Variants in CFAP46 observed in about 807,000 individuals in gnomAD.
CFAP46 encodes the protein cilia and flagella associated protein 46.
A neutral mutation model predicts 325.7 loss-of-function variants in CFAP46; 245 were observed. The observed-to-expected ratio is 0.75, with a 90% CI of 0.68 to 0.84. The LOEUF (loss-of-function observed/expected upper bound fraction) is 0.84. CFAP46 is among the 40% of genes least tolerant of loss of function. The pLI, the probability that CFAP46 is intolerant of heterozygous loss-of-function variation, is 0.00. For missense variants in CFAP46, 3,346 were observed against 3,543.0 expected, an observed-to-expected ratio of 0.94 and a Z score of 1.41; for synonymous variants, 1,523 against 1,495.9, an observed-to-expected ratio of 1.02 and a Z score of -0.42.
rs540522240 is a variant in CFAP46 at position 132,915,034 on chromosome 10, C to T, written c.2120+1515G>A. On this transcript the variant is annotated intron_variant, in intron 17 of 57. Coordinates refer to ENST00000368586, the MANE Select transcript of CFAP46 (RefSeq NM_001200049.3). ...CCGTGTGGACGTGGACAGGGTCTGT[C>T]CGTCCCGCTAGACCAGGCTGGGCAA... Among the ~76,000 whole-genome samples the T allele has an allele frequency of 9.8e-5, 15 of 152,394 alleles. No individual in the cohort carries two copies. In the East Asian group the frequency reaches 1.7e-3, roughly 18 times the overall value.
At chr10:132,872,080 C>CCTAA (rs1478582407) in intron 32 of CFAP46, among the ~76,000 whole-genome samples, 1 of 152,086 alleles carries the variant, frequency 6.6e-6, no homozygotes, top group Non-Finnish European at 1.5e-5. Context: ...ATAGTGTAAA[C>CCTAA]CTAACTTTTA....
In CFAP46 at chr10:132,833,486, A is replaced by G; in HGVS notation, c.6989T>C (p.Val2330Ala). 6.2e-7 allele frequency: 1 copy of G among 1,614,104 alleles called. No individual in the cohort carries two copies. Among genetic ancestry groups the G allele is most frequent in the East Asian group, 2.2e-5 (1 of 44,860 alleles). The change falls in exon 50 of 58, where the codon GTC becomes GCC. Residue 2330 changes from valine to alanine, a missense_variant. Physicochemically the swap from Val to Ala is moderately conservative, Grantham distance 64. Coordinates refer to ENST00000368586, the MANE Select transcript of CFAP46 (RefSeq NM_001200049.3). ...QPEVADKIVL[V>A]ADRHLLELPL... ...CAGCTCCAGGAGATGTCTGTCTGCG[A>G]CCAGGACTATCTTATCGGCAACCTC...
chr10:132,925,564 C>T (rs1387741081), intron 10 of CFAP46, among the ~76,000 whole-genome samples: 1 of 152,276 alleles, frequency 6.6e-6, no homozygotes, highest in Non-Finnish European at 1.5e-5. Context: ...AGCCTCTGTT[C>T]ACTTTCACAA....
chr10:132,821,709 A>G (rs1591033414), intron 50 of CFAP46, among the ~76,000 whole-genome samples: 1 of 84,456 alleles, frequency 1.2e-5, no homozygotes, highest in East Asian at 4.2e-4. Context: ...ATGTGTGCTG[A>G]CGTGTGCTGT....
intron 23 of CFAP46, 81 bp downstream of exon 23, chr10:132,899,454 G>T: frequency 6.9e-7 from 1 of 1,450,274 alleles, no homozygotes. Context: ...CCCACAGGAT[G>T]GGCCACAGCC....
chr10:132,941,492 A>T, intron 3 of CFAP46, 99 bp downstream of exon 3: 6 of 1,454,928 alleles, frequency 4.1e-6, no homozygotes, highest in Non-Finnish European at 5.6e-6. Context: ...TCACTCTACT[A>T]CCCTAAGAAC....
At chr10:132,818,830 G>GT (rs1403590607) in intron 50 of CFAP46, among the ~76,000 whole-genome samples, 1 of 150,782 alleles carries the variant, frequency 6.6e-6, no homozygotes, top group African/African-American at 2.4e-5. Flanking sequence ...CTCTAGCCTG[G>GT]GCAACAGAGT....
intron 8 of CFAP46, among the ~76,000 whole-genome samples, chr10:132,930,072 CGCTCTCCAG>C (rs1564804352): frequency 6.6e-6 from 1 of 152,144 alleles, no homozygotes; most frequent in African/African-American, 2.4e-5. Flanking sequence ...CCCTGCTCCT[CGCTCTCCAG>C]GCTTCAGGTC....
intron 9 of CFAP46, among the ~76,000 whole-genome samples, chr10:132,927,021 G>A (rs376829990): frequency 2.5e-3 from 383 of 152,318 alleles, no homozygotes; most frequent in Middle Eastern, 6.8e-3. Flanking sequence ...TGTGTTGTAC[G>A]TCACACCGGG....
chr10:132,864,285 C>A (rs1305700747), intron 35 of CFAP46, among the ~76,000 whole-genome samples: 1 of 129,288 alleles, frequency 7.7e-6, no homozygotes, highest in Non-Finnish European at 1.7e-5. Context: ...CACCTGTCCC[C>A]CTGCCTGAGA....
At chr10:132,859,335 G>T in intron 37 of CFAP46, 88 bp from the exon 38 acceptor site, 1 of 1,181,586 alleles carries the variant, frequency 8.5e-7, no homozygotes, top group Non-Finnish European at 1.2e-6. Context: ...TCTCCCCGGT[G>T]TTCATCCAGG....
chr10:132,935,646 C>G (rs201833375), intron 7 of CFAP46, among the ~76,000 whole-genome samples: 465 of 133,282 alleles, frequency 3.5e-3, no homozygotes, highest in Non-Finnish European at 4.9e-3. Context: ...TCTCCTCACT[C>G]CCCTCAGCAC....
intron 17 of CFAP46, 120 bp from the exon 18 acceptor site, chr10:132,913,378 T>TGGGGGGGGG: frequency 1.0e-5 from 3 of 291,632 alleles, no homozygotes; most frequent in East Asian, 1.8e-4. Context: ...GAGGGGCGGG[T>TGGGGGGGGG]GGGCGGCGAC....
intron 33 of CFAP46, among the ~76,000 whole-genome samples, chr10:132,868,746 T>A (rs1848853699): frequency 6.6e-6 from 1 of 152,260 alleles, no homozygotes; most frequent in Non-Finnish European, 1.5e-5. Flanking sequence ...TACGTAATTT[T>A]AAAAAGTATC....
chr10:132,920,255 A>C, intron 13 of CFAP46, 73 bp from the exon 14 acceptor site: 2 of 1,438,894 alleles, frequency 1.4e-6, no homozygotes, highest in Non-Finnish European at 1.8e-6. Context: ...TCAGTAACCA[A>C]TGCCCTGCGC....
intron 21 of CFAP46, 72 bp from the exon 22 acceptor site, chr10:132,908,706 G>A (rs1371184379): frequency 2.0e-5 from 29 of 1,449,104 alleles, no homozygotes; most frequent in Non-Finnish European, 2.3e-5. Flanking sequence ...CAGCCCCCAC[G>A]GACCACGCAG....
In CFAP46 at chr10:132,832,889, T is replaced by C. The variant is rs954689932; in HGVS notation, c.7117+469A>G. On this transcript the variant is annotated intron_variant, in intron 50 of 57. Transcript: ENST00000368586. The surrounding 1 kb of genome is among the most constrained non-coding windows in gnomAD (Gnocchi z 4.1). Reference sequence around the variant, plus strand: ...GTATTTGTGGGGGCAAGAACAGCGTTAAGTTTGTCTTCCCTGTGTGTTTAG... The same window carrying C: ...GTATTTGTGGGGGCAAGAACAGCGTCAAGTTTGTCTTCCCTGTGTGTTTAG... 2 of 458,766 alleles carry C rather than the reference T, an allele frequency of 4.4e-6. No homozygotes were observed. Among genetic ancestry groups the C allele is most frequent in the Non-Finnish European group, 9.2e-6 (2 of 217,580 alleles). The allele number at this position is 458,766 out of a possible 1,614,324, so 28.4% of individuals were successfully genotyped here.
chr10:132,838,324 C>T (rs1480476534), intron 44 of CFAP46, among the ~76,000 whole-genome samples: 1 of 152,272 alleles, frequency 6.6e-6, no homozygotes, highest in Non-Finnish European at 1.5e-5. Context: ...TTTGCACAAA[C>T]AAAGCAGTTT....
chr10:132,910,139 A>C, intron 19 of CFAP46, 71 bp from the exon 20 acceptor site: 1 of 1,289,832 alleles, frequency 7.8e-7, no homozygotes, highest in African/African-American at 1.5e-5. Context: ...GATCCGAACC[A>C]TTAAAAGATG....
Sources: gnomAD v4.1 joint callset for allele counts (sites outside exome capture counted in the v4.1 genomes callset) on GRCh38, gnomAD v4.1.1 for gene constraint, Gnocchi (gnomAD v3.1) non-coding constraint, MANE v1.5 for transcripts, NCBI Gene and HGNC (gene_info 2026-07-23, HGNC 2026-07-21) for gene names.